EHD3: variants seen among roughly 807,000 people sequenced by gnomAD.
The protein encoded by EHD3 is EH domain-containing protein 3.
Under a neutral mutation model 43.0 loss-of-function variants are expected in EHD3, and 17 were observed. That is an observed-to-expected ratio of 0.40 (90% CI 0.27 to 0.59). The LOEUF is 0.59. Among genes scored for constraint, EHD3 ranks in the 20% least tolerant of loss-of-function variants. The pLI is 0.49. For synonymous variants in EHD3, 313 were observed against 289.5 expected, an observed-to-expected ratio of 1.08 and a Z score of -0.82; for missense variants, 594 against 705.6, an observed-to-expected ratio of 0.84 and a Z score of 1.79.
chr2:31,234,417 G>C lies in EHD3; in HGVS notation c.-205G>C. On this transcript the variant is annotated 5_prime_UTR_variant, in exon 1 of 6. Transcript: ENST00000322054. The stretch of plus-strand genomic sequence containing the variant: ...CCTCCGGCCTGGGCTGCTGGATGCA[G>C]CAGCGGCTGGGCTTGGTCCCAGGAG... 1.7e-6 allele frequency: 1 copy of C among 591,504 alleles called. No homozygotes were observed. Among genetic ancestry groups the C allele is most frequent in the East Asian group, 2.9e-5 (1 of 34,604 alleles). 36.6% of individuals were successfully genotyped at this position (591,504 alleles called of 1,614,324 possible).
Position 31,242,498 on chromosome 2 carries a change from TAATACCC to T in EHD3, c.228-1773_228-1767del. Among the ~76,000 whole-genome samples, 6 of 152,350 alleles carry T rather than the reference TAATACCC, an allele frequency of 3.9e-5. 1 individual carries two copies. The highest frequency in any genetic ancestry group is 3.9e-4 in the Admixed American group (6 of 15,302). ...CTATTACATTCGTAATGAAATTGCC[TAATACCC>T]AAGGGCACAAGGGAGGACTCATTTG... On this transcript the variant is annotated intron_variant, in intron 1 of 5. Transcript: ENST00000322054.
chr2:31,239,085 A>C (rs976253711), intron 1 of EHD3, among the ~76,000 whole-genome samples: 1 of 152,048 alleles, frequency 6.6e-6, no homozygotes, highest in Non-Finnish European at 1.5e-5. Flanking sequence ...GCAACCTCCC[A>C]CCCCAAAGGT....
chr2:31,243,001 G>C (rs1404722663), intron 1 of EHD3, among the ~76,000 whole-genome samples: 3 of 151,850 alleles, frequency 2.0e-5, no homozygotes, highest in Non-Finnish European at 2.9e-5. Flanking sequence ...ATCAGGTCAG[G>C]CACAATGCCT....
intron 2 of EHD3, among the ~76,000 whole-genome samples, chr2:31,247,972 G>A (rs1572465591): frequency 6.6e-6 from 1 of 152,328 alleles, no homozygotes; most frequent in South Asian, 2.1e-4. Context: ...TTTTCTCCAG[G>A]AGCACGCAGC....
intron 3 of EHD3, among the ~76,000 whole-genome samples, chr2:31,250,150 A>C (rs13012258): frequency 0.49 from 73,029 of 149,750 alleles, 20,302 homozygotes; most frequent in East Asian, 0.75. Context: ...TCCATCTTAC[A>C]GAGTTGTTTG....
intron 1 of EHD3, among the ~76,000 whole-genome samples, chr2:31,240,395 T>C (rs1288781753): frequency 1.3e-5 from 2 of 152,224 alleles, no homozygotes; most frequent in Non-Finnish European, 2.9e-5. Flanking sequence ...GATTCCTCAA[T>C]AGATTTTTCC....
At chr2:31,256,722 G>A (rs1388659524) in intron 3 of EHD3, among the ~76,000 whole-genome samples, 1 of 152,212 alleles carries the variant, frequency 6.6e-6, no homozygotes, top group Non-Finnish European at 1.5e-5. Flanking sequence ...TACATCGCTG[G>A]TGTCATCAGG....
chr2:31,249,017 G>A lies in EHD3; in HGVS notation c.405-354G>A, dbSNP rs183225961. On this transcript the variant is annotated intron_variant, in intron 2 of 5. Coordinates refer to ENST00000322054, the MANE Select transcript of EHD3 (RefSeq NM_014600.3). ...AGTAACTCAAGGCAAGGAGGTAGCT[G>A]ACCAAGGACAAACTAAGGACTTGGG... Among the ~76,000 whole-genome samples, 25 of 152,296 alleles carry A rather than the reference G, an allele frequency of 1.6e-4. No homozygotes were observed. In the East Asian group the frequency reaches 4.3e-3, roughly 26 times the overall value.
Position 31,266,580 on chromosome 2 carries a change from T to C in EHD3, c.1484T>C (p.Met495Thr). 2.5e-6 allele frequency: 4 copies of C among 1,614,134 alleles called. No homozygotes were observed. Among genetic ancestry groups the C allele is most frequent in the Non-Finnish European group, 3.4e-6 (4 of 1,180,022 alleles). ...WKLADIDKDG[M>T]LDDDEFALAN... ...CTGGCCGACATTGACAAGGATGGCA[T>C]GCTGGACGACGACGAGTTTGCACTG... The change falls in exon 6 of 6, where the codon ATG becomes ACG. Residue 495 changes from methionine to threonine, a missense_variant. By Grantham distance (81) the Met-to-Thr change is moderately conservative. Around this residue, in one of 3 missense-constraint regions of EHD3, gnomAD observed 322 missense variants for 348.0 expected, o/e 0.93. Coordinates refer to ENST00000322054, the MANE Select transcript of EHD3 (RefSeq NM_014600.3). This position sits in a 1 kb window ranked among gnomAD's most constrained non-coding sequence, Gnocchi z 5.1.
In EHD3 at chr2:31,243,443, TCTTTCTTTCTTTC is replaced by T. The variant is rs1558647321; in HGVS notation, c.228-830_228-818del. ...ATTTTTCTTTCTTTCTTTCTTTCTT[TCTTTCTTTCTTTC>T]TTTCTTTTTTTTTTTTTGAGACAGA... is the stretch of plus-strand genomic sequence containing the variant. On this transcript the variant is annotated intron_variant, in intron 1 of 5. Transcript: ENST00000322054. Among the ~76,000 whole-genome samples the T allele has an allele frequency of 6.3e-5, 6 of 95,672 alleles. 1 individual carries two copies. Among genetic ancestry groups the T allele is most frequent in the African/African-American group, 2.8e-4 (6 of 21,314 alleles). The allele number at this position is 95,672 out of a possible 152,430, so 62.8% of individuals were successfully genotyped here. A position where few individuals can be genotyped will look rare whatever the true frequency, so the allele number is the denominator to read the frequency against.
chr2:31,251,908 G>A (rs1683642755), intron 3 of EHD3, among the ~76,000 whole-genome samples: 1 of 152,128 alleles, frequency 6.6e-6, no homozygotes, highest in Non-Finnish European at 1.5e-5. Flanking sequence ...GGTTTACCCT[G>A]CGTTTAAGCC....
rs988215960 is a variant in EHD3, at chr2:31,267,487, C to G, written c.*783C>G. 2 of 152,744 alleles carry G rather than the reference C, an allele frequency of 1.3e-5. No individual in the cohort carries two copies. The highest frequency in any genetic ancestry group is 6.5e-5 in the Admixed American group (1 of 15,304). The allele number at this position is 152,744 out of a possible 1,614,324, so 9.5% of individuals were successfully genotyped here. ...GATGTTTAGATGTTCATACTTGACT[C>G]ACATTTACCCAGCCCCTCCTGCGTA... On this transcript the variant is annotated 3_prime_UTR_variant, in exon 6 of 6. Transcript: ENST00000322054.
At chr2:31,236,115 T>C (rs1449718014) in intron 1 of EHD3, among the ~76,000 whole-genome samples, 1 of 152,236 alleles carries the variant, frequency 6.6e-6, no homozygotes, top group Non-Finnish European at 1.5e-5. Flanking sequence ...ACTAATTTTC[T>C]AGGTACTAAT....
In EHD3 at chr2:31,261,627, G is replaced by T. The variant is rs1683860373; in HGVS notation, c.994G>T (p.Val332Phe). The T allele has an allele frequency of 6.2e-7, 1 of 1,614,110 alleles. No individual in the cohort carries two copies. Among genetic ancestry groups the T allele is most frequent in the African/African-American group, 1.3e-5 (1 of 74,940 alleles). ...FGKDNKKKEL[V>F]NNLAEIYGRI... ...GAAGGACAACAAGAAGAAGGAGCTG[G>T]TCAACAACCTGGCCGAGATCTATGG... The change falls in exon 5 of 6, where the codon GTC (valine) becomes TTC (phenylalanine). Residue 332 changes from valine to phenylalanine, a missense_variant. By Grantham distance (50) the Val-to-Phe change is conservative (BLOSUM62 -1). Coordinates refer to ENST00000322054, the MANE Select transcript of EHD3 (RefSeq NM_014600.3).
chr2:31,243,938 A>G (rs1042551583), intron 1 of EHD3, among the ~76,000 whole-genome samples: 5 of 152,096 alleles, frequency 3.3e-5, no homozygotes, highest in African/African-American at 9.7e-5. Context: ...TCAGTTATGG[A>G]GTCTGTAATA....
At chr2:31,255,852 C>G (rs1453990333) in intron 3 of EHD3, among the ~76,000 whole-genome samples, 2 of 152,210 alleles carry the variant, frequency 1.3e-5, no homozygotes, top group African/African-American at 4.8e-5. Context: ...AGCCCTTGGC[C>G]TGTCCTCAGG....
chr2:31,260,879 T>C lies in EHD3; in HGVS notation c.872T>C (p.Leu291Pro). 6.2e-7 allele frequency: 1 copy of C among 1,613,798 alleles called. No individual in the cohort carries two copies. The highest frequency in any genetic ancestry group is 8.5e-7 in the Non-Finnish European group (1 of 1,179,866). Residue 291 changes from leucine (L) to proline (P), a missense_variant, in exon 4 of 6, where the codon CTG becomes CCG. Coordinates refer to ENST00000322054, the MANE Select transcript of EHD3 (RefSeq NM_014600.3). The surrounding 1 kb of genome is among the most constrained non-coding windows in gnomAD (Gnocchi z 4.6). ...DIQSLPRNAA[L>P]RKLNDLIKRA... ...CAGAGTCTGCCCCGAAATGCTGCCCTGCGCAAGCTCAACGACCTCATCAAA... is the reference window on the plus strand; with the variant it reads ...CAGAGTCTGCCCCGAAATGCTGCCCCGCGCAAGCTCAACGACCTCATCAAA...
At chr2:31,258,953 G>C (rs1316872535) in intron 3 of EHD3, among the ~76,000 whole-genome samples, 1 of 152,230 alleles carries the variant, frequency 6.6e-6, no homozygotes, top group Non-Finnish European at 1.5e-5. Context: ...GTTAAAGACA[G>C]TCAGAGCTTC....
chr2:31,261,774 T>TGAG, intron 5 of EHD3, 61 bp downstream of exon 5: 1 of 1,585,148 alleles, frequency 6.3e-7, no homozygotes, highest in East Asian at 2.2e-5. Context: ...CTGAGCAGCC[T>TGAG]GAGTATGGAG....
Sources: gnomAD v4.1 joint callset for allele counts (sites outside exome capture counted in the v4.1 genomes callset) on GRCh38, gnomAD v4.1.1 for gene constraint, gnomAD v4.1.1 regional missense constraint, Gnocchi (gnomAD v3.1) non-coding constraint, MANE v1.5 for transcripts, NCBI Gene and HGNC (gene_info 2026-07-23, HGNC 2026-07-21) for gene names.